Variants in MAN1A1 observed in about 807,000 individuals in gnomAD.
MAN1A1 encodes the protein mannosidase alpha class 1A member 1.
Under a neutral mutation model 70.8 loss-of-function variants are expected in MAN1A1, and 29 were observed. The ratio of observed to expected loss-of-function variants is 0.41; its 90% CI spans 0.31 to 0.56. The LOEUF (loss-of-function observed/expected upper bound fraction) is 0.56. Among genes scored for constraint, MAN1A1 ranks in the 20% least tolerant of loss-of-function variants. MAN1A1 has a pLI of 0.29. For synonymous variants in MAN1A1, 349 were observed against 330.1 expected, an observed-to-expected ratio of 1.06 and a Z score of -0.62; for missense variants, 747 against 841.3, an observed-to-expected ratio of 0.89 and a Z score of 1.39.
chr6:119,188,446 G>A lies in MAN1A1; in HGVS notation c.1678C>T (p.His560Tyr), dbSNP rs1040489458. 1.2e-6 allele frequency: 2 copies of A among 1,613,084 alleles called. No homozygotes were observed. Among genetic ancestry groups the A allele is most frequent in the African/African-American group, 1.3e-5 (1 of 74,858 alleles). Residue 560 changes from histidine to tyrosine, a missense_variant, in exon 11 of 13, where the codon CAT (histidine) becomes TAT (tyrosine). Physicochemically the swap from His to Tyr is moderately conservative, Grantham distance 83 (BLOSUM62 2). Transcript: ENST00000368468. Reference sequence around the variant, plus strand: ...GCCCATTTCCTGTACTTTGGATCATGAGTCAGTCTCCACATATACATGTAA... The same window carrying A: ...GCCCATTTCCTGTACTTTGGATCATAAGTCAGTCTCCACATATACATGTAA... Reference protein sequence around the residue: ...ETYMYMWRLTHDPKYRKWAWE... With the variant: ...ETYMYMWRLTYDPKYRKWAWE...
intron 5 of MAN1A1, among the ~76,000 whole-genome samples, chr6:119,253,773 G>T (rs2114336266): frequency 6.6e-6 from 1 of 152,224 alleles, no homozygotes; most frequent in African/African-American, 2.4e-5. Flanking sequence ...ACATACCTGG[G>T]GCATTGTAAT....
At chr6:119,345,931 C>T (rs1490261114) in intron 2 of MAN1A1, among the ~76,000 whole-genome samples, 13 of 152,122 alleles carry the variant, frequency 8.5e-5, no homozygotes, top group Non-Finnish European at 1.5e-4. Flanking sequence ...CATGGTGAAA[C>T]CCCGTCTCTA....
At chr6:119,205,038 A>G (rs1773822046) in intron 6 of MAN1A1, among the ~76,000 whole-genome samples, 156 bp from the exon 7 acceptor site, 1 of 152,242 alleles carries the variant, frequency 6.6e-6, no homozygotes. Flanking sequence ...TTCTTTGGCT[A>G]CCAGTTTTAG....
chr6:119,317,890 A>T, intron 2 of MAN1A1, among the ~76,000 whole-genome samples: 1 of 152,100 alleles, frequency 6.6e-6, no homozygotes. Flanking sequence ...TCCTAAAAAA[A>T]AAACAAAAAA....
At chr6:119,307,669 G>A (rs550653812) in intron 2 of MAN1A1, among the ~76,000 whole-genome samples, 35 of 152,224 alleles carry the variant, frequency 2.3e-4, no homozygotes, top group Admixed American at 8.5e-4. Context: ...GGTTTTAAAA[G>A]CCAAATCCCT....
At chr6:119,254,977 TCAA>T (rs1292634614) in intron 5 of MAN1A1, among the ~76,000 whole-genome samples, 3 of 152,210 alleles carry the variant, frequency 2.0e-5, no homozygotes, top group Non-Finnish European at 2.9e-5. Flanking sequence ...CTGTTTTTGA[TCAA>T]CGTTTTAAAA....
chr6:119,293,500 T>C (rs1772106134), intron 4 of MAN1A1, among the ~76,000 whole-genome samples: 1 of 152,008 alleles, frequency 6.6e-6, no homozygotes. Context: ...GACTGCTATG[T>C]CCTTGTCTTT....
intron 4 of MAN1A1, among the ~76,000 whole-genome samples, chr6:119,295,784 C>T (rs184638424): frequency 4.6e-5 from 7 of 152,196 alleles, no homozygotes; most frequent in Admixed American, 3.3e-4. Flanking sequence ...GCCTGGGGTA[C>T]GGGACTATTA....
chr6:119,256,967 C>T (rs1182974545), intron 5 of MAN1A1, among the ~76,000 whole-genome samples: 1 of 152,054 alleles, frequency 6.6e-6, no homozygotes, highest in Non-Finnish European at 1.5e-5. Context: ...ATAAGATATA[C>T]AACACAAAAC....
intron 5 of MAN1A1, among the ~76,000 whole-genome samples, chr6:119,267,413 T>C (rs1775788094): frequency 1.3e-5 from 2 of 152,066 alleles, no homozygotes; most frequent in Non-Finnish European, 2.9e-5. Flanking sequence ...CATTAAGTAT[T>C]ATTTACAGAG....
At chr6:119,329,383 T>C (rs1773242350) in intron 2 of MAN1A1, among the ~76,000 whole-genome samples, 2 of 152,194 alleles carry the variant, frequency 1.3e-5, no homozygotes, top group Admixed American at 6.5e-5. Context: ...TCCCTGTACC[T>C]TCACATTTGT....
chr6:119,250,673 T>C (rs113810469), intron 5 of MAN1A1, among the ~76,000 whole-genome samples: 149 of 151,624 alleles, frequency 9.8e-4, no homozygotes, highest in African/African-American at 3.4e-3. Context: ...TGTGTGTGTG[T>C]GTGCGTGTCA....
intron 4 of MAN1A1, among the ~76,000 whole-genome samples, chr6:119,295,440 C>CTT (rs5879497): frequency 0.38 from 57,018 of 151,618 alleles, 11,137 homozygotes; most frequent in Non-Finnish European, 0.41. Flanking sequence ...GAGATGCAAG[C>CTT]TCGAGGAACA....
intron 5 of MAN1A1, among the ~76,000 whole-genome samples, chr6:119,264,224 T>C (rs1417730469): frequency 6.6e-6 from 1 of 152,220 alleles, no homozygotes; most frequent in Admixed American, 6.5e-5. Context: ...AGAGCAGGGC[T>C]TATACATTTG....
rs148808616 is a variant in MAN1A1, at chr6:119,201,880, C to T, written c.1117-533G>A. Among the ~76,000 whole-genome samples, 218 of 152,104 alleles carry T rather than the reference C, an allele frequency of 1.4e-3. 1 individual carries two copies. Among genetic ancestry groups the T allele is most frequent in the African/African-American group, 5.0e-3 (209 of 41,482 alleles). The stretch of plus-strand genomic sequence containing the variant: ...CTATAGGGTTATACATTTTATAACC[C>T]TATACATAAATACAGGGCACTTTGT... On this transcript the variant is annotated intron_variant, in intron 7 of 12. Transcript: ENST00000368468.
intron 6 of MAN1A1, among the ~76,000 whole-genome samples, chr6:119,235,397 G>A (rs545801573): frequency 2.0e-5 from 3 of 152,300 alleles, no homozygotes; most frequent in Admixed American, 1.3e-4. Flanking sequence ...AGGTGGTGTG[G>A]ACAGAAGATC....
chr6:119,309,854 C>G (rs1008938675), intron 2 of MAN1A1, among the ~76,000 whole-genome samples: 1 of 149,486 alleles, frequency 6.7e-6, no homozygotes. Context: ...TGACTCCATG[C>G]TTATAAGAAA....
chr6:119,312,955 G>GTC (rs1772750948), intron 2 of MAN1A1, among the ~76,000 whole-genome samples: 1 of 152,106 alleles, frequency 6.6e-6, no homozygotes, highest in African/African-American at 2.4e-5. Context: ...GTGTGACAGG[G>GTC]CACCTGACTA....
At chr6:119,212,425 G>A (rs557036428) in intron 6 of MAN1A1, among the ~76,000 whole-genome samples, 2 of 152,258 alleles carry the variant, frequency 1.3e-5, no homozygotes, top group East Asian at 1.9e-4. Flanking sequence ...TAAGCACTTC[G>A]GGGATGCATC....
Sources: allele counts gnomAD v4.1 joint callset (sites outside exome capture counted in the v4.1 genomes callset), GRCh38; gene constraint gnomAD v4.1.1; transcripts MANE v1.5; gene names NCBI Gene and HGNC (gene_info 2026-07-23, HGNC 2026-07-21).